Variants in MYPN observed in about 807,000 individuals in gnomAD.
MYPN encodes the protein myopalladin.
MYPN carries 63 observed loss-of-function variants against 129.4 expected under a neutral mutation model. That is an observed-to-expected ratio of 0.49 (90% CI 0.40 to 0.60). The LOEUF is 0.60. Among genes scored for constraint, MYPN ranks in the 20% least tolerant of loss-of-function variants. The pLI is 0.00. For synonymous variants in MYPN, 629 were observed against 600.9 expected, an observed-to-expected ratio of 1.05 and a Z score of -0.68; for missense variants, 1,596 against 1,635.4, an observed-to-expected ratio of 0.98 and a Z score of 0.42.
rs150794655 is a variant in MYPN at position 68,111,280 on chromosome 10, A to G, written c.-2+1557A>G. On this transcript the variant is annotated intron_variant, in intron 1 of 19. Transcript: ENST00000358913. ...TAATGAACTAATGTTGGTATGTGAA[A>G]AAGTGAGAGTTCAATTTTTCAACAG... Among the ~76,000 whole-genome samples, 99 of 152,338 alleles carry G rather than the reference A, an allele frequency of 6.5e-4. No individual in the cohort carries two copies. The East Asian group carries it at 0.014, about 22-fold the overall frequency.
intron 18 of MYPN, among the ~76,000 whole-genome samples, 189 bp downstream of exon 18, chr10:68,202,183 A>G (rs1219528297): frequency 6.6e-6 from 1 of 152,248 alleles, no homozygotes. Flanking sequence ...CTGTAATCCC[A>G]GCACTTTGGG....
chr10:68,109,684 G>C lies in MYPN; in HGVS notation c.-41G>C. On this transcript the variant is annotated 5_prime_UTR_variant, in exon 1 of 20. Coordinates refer to ENST00000358913, the MANE Select transcript of MYPN (RefSeq NM_032578.4). ...TAATTATCATTGCAGTGGAGTGCCT[G>C]GATTGGACATCCTCATCTGGGTCAA... 1.5e-5 allele frequency: 7 copies of C among 453,954 alleles called. No homozygotes were observed. Among genetic ancestry groups the C allele is most frequent in the South Asian group, 1.1e-4 (7 of 64,458 alleles). 28.1% of individuals were successfully genotyped at this position (453,954 alleles called of 1,614,324 possible). A position where few individuals can be genotyped will look rare whatever the true frequency, so the allele number is the denominator to read the frequency against.
At position 68,188,895 on chromosome 10, in the gene MYPN, A is replaced by T; in HGVS notation, c.2704-10A>T. On this transcript the variant is annotated splice_polypyrimidine_tract_variant and intron_variant, in intron 12 of 19. Coordinates refer to ENST00000358913, the MANE Select transcript of MYPN (RefSeq NM_032578.4). Reference sequence around the variant, plus strand: ...ATATGGAAATTGAAACACGTTTGTCATTTTGACAGGAGTACAAAATTTCAA... The same window carrying T: ...ATATGGAAATTGAAACACGTTTGTCTTTTTGACAGGAGTACAAAATTTCAA... 6.2e-7 allele frequency: 1 copy of T among 1,612,366 alleles called. No individual in the cohort carries two copies. The highest frequency in any genetic ancestry group is 1.3e-5 in the African/African-American group (1 of 75,028).
chr10:68,137,179 T>C (rs1319409298), intron 2 of MYPN, among the ~76,000 whole-genome samples: 1 of 152,222 alleles, frequency 6.6e-6, no homozygotes, highest in Admixed American at 6.5e-5. Flanking sequence ...AACCATTTAG[T>C]GAGAAGAGTA....
In MYPN at chr10:68,151,398, G is replaced by A. The variant is rs140678273; in HGVS notation, c.1317+1287G>A. On this transcript the variant is annotated intron_variant, in intron 6 of 19. Coordinates refer to ENST00000358913, the MANE Select transcript of MYPN (RefSeq NM_032578.4). ...CAAGTTCAGTTCATAACCTACATTT[G>A]AGATTTTAGCTTTACTATTTTCAAA... 3.5e-3 allele frequency among the ~76,000 whole-genome samples: 539 copies of A among 152,304 alleles called. 3 individuals carry two copies. Among genetic ancestry groups the A allele is most frequent in the Non-Finnish European group, 5.0e-3 (341 of 68,028 alleles).
chr10:68,148,278 T>A, intron 4 of MYPN, 75 bp from the exon 5 acceptor site: 1 of 1,173,672 alleles, frequency 8.5e-7, no homozygotes, highest in Non-Finnish European at 1.3e-6. Flanking sequence ...GTGATGCCAT[T>A]ACTAGTTTTC....
chr10:68,197,603 C>G, intron 16 of MYPN, 125 bp downstream of exon 16: 1 of 1,183,974 alleles, frequency 8.4e-7, no homozygotes, highest in Non-Finnish European at 1.2e-6. Flanking sequence ...GGAAGGGAGA[C>G]AGATCACTTT....
At chr10:68,118,076 G>A (rs1006266856) in intron 1 of MYPN, among the ~76,000 whole-genome samples, 4 of 151,958 alleles carry the variant, frequency 2.6e-5, no homozygotes, top group African/African-American at 7.2e-5. Context: ...ATACCTGAAA[G>A]TTTTGTTGTA....
At chr10:68,168,799 G>T (rs2043093231) in intron 10 of MYPN, among the ~76,000 whole-genome samples, 1 of 151,826 alleles carries the variant, frequency 6.6e-6, no homozygotes, top group African/African-American at 2.4e-5. Context: ...GAGTCGGGAT[G>T]AAAAGAAAAC....
At chr10:68,107,548 G>A (rs995889657), upstream of MYPN, among the ~76,000 whole-genome samples, 8 of 149,476 alleles carry the variant, frequency 5.4e-5, no homozygotes, top group South Asian at 2.1e-4. Flanking sequence ...ATGGGGTTTC[G>A]CTACGTTGCC....
At chr10:68,125,777 A>G (rs1052338228) in intron 2 of MYPN, among the ~76,000 whole-genome samples, 4 of 152,210 alleles carry the variant, frequency 2.6e-5, no homozygotes, top group African/African-American at 9.6e-5. Flanking sequence ...TTATTTACTC[A>G]TTCAACAAAT....
chr10:68,208,079 A>G (rs1296696467), intron 19 of MYPN, among the ~76,000 whole-genome samples: 1 of 152,208 alleles, frequency 6.6e-6, no homozygotes, highest in Non-Finnish European at 1.5e-5. Flanking sequence ...TTATTTATGT[A>G]TTTGTGTGCT....
intron 5 of MYPN, among the ~76,000 whole-genome samples, chr10:68,149,802 C>T (rs1421784812): frequency 6.6e-6 from 1 of 152,056 alleles, no homozygotes; most frequent in Non-Finnish European, 1.5e-5. Context: ...ATCCACAGAT[C>T]TACATGTGAA....
intron 8 of MYPN, among the ~76,000 whole-genome samples, chr10:68,163,175 G>A (rs888613839): frequency 1.3e-5 from 2 of 152,060 alleles, no homozygotes; most frequent in Non-Finnish European, 2.9e-5. Context: ...CATGTCTGTG[G>A]TCCCAGCTAC....
chr10:68,166,758 G>A lies in MYPN; in HGVS notation c.1973+92G>A, dbSNP rs186808270. 3.3e-6 allele frequency: 5 copies of A among 1,529,880 alleles called. No homozygotes were observed. In the African/African-American group the frequency reaches 6.9e-5, roughly 21 times the overall value. 94.8% of individuals were successfully genotyped at this position (1,529,880 alleles called of 1,614,324 possible). ...AAGTAATGGAACTCAGCTAGGCACA[G>A]TTGCTCACACCTGTAATCCGAGCAC... On this transcript the variant is annotated intron_variant, in intron 10 of 19. Coordinates refer to ENST00000358913, the MANE Select transcript of MYPN (RefSeq NM_032578.4).
At chr10:68,168,610 G>A (rs537901044) in intron 10 of MYPN, among the ~76,000 whole-genome samples, 3 of 152,192 alleles carry the variant, frequency 2.0e-5, no homozygotes, top group South Asian at 2.1e-4. Context: ...GACAAACATT[G>A]GTTTGGCCCA....
At position 68,122,113 on chromosome 10, in the gene MYPN, T is replaced by A. The variant is rs1213015103; in HGVS notation, c.675T>A (p.Asn225Lys). The change falls in exon 2 of 20, where the codon AAT becomes AAA. Residue 225 changes from asparagine to lysine, a missense_variant. Asn to Lys is a moderately conservative substitution (Grantham distance 94). Transcript: ENST00000358913. ...CGGATACCAGGGATAATGAAGTGAATCACGCCCTGGAACAGCAGGAAGCCA... is the reference window on the plus strand; with the variant it reads ...CGGATACCAGGGATAATGAAGTGAAACACGCCCTGGAACAGCAGGAAGCCA... The part of the protein sequence containing the change: ...IPADTRDNEV[N>K]HALEQQEAKR... The A allele has an allele frequency of 6.2e-7, 1 of 1,614,018 alleles. No individual in the cohort carries two copies. Among genetic ancestry groups the A allele is most frequent in the East Asian group, 2.2e-5 (1 of 44,892 alleles).
Position 68,175,353 on chromosome 10 carries a change from A to C in MYPN, c.2595A>C (p.Thr865=). 6.2e-7 allele frequency: 1 copy of C among 1,614,102 alleles called. No homozygotes were observed. Among genetic ancestry groups the C allele is most frequent in the South Asian group, 1.1e-5 (1 of 91,078 alleles). Residue 865 remains threonine (T), a synonymous_variant, in exon 12 of 20, where the codon ACA becomes ACC. Transcript: ENST00000358913. ...MPSQGLAKKN[T]KSPQPVNDDN... The stretch of plus-strand genomic sequence containing the variant: ...CCCAGGGATTAGCGAAGAAAAATAC[A>C]AAGTCTCCTCAACCAGTGAATGATG...
At chr10:68,183,592 G>C (rs999948360) in intron 12 of MYPN, among the ~76,000 whole-genome samples, 3 of 152,252 alleles carry the variant, frequency 2.0e-5, no homozygotes, top group Non-Finnish European at 4.4e-5. Context: ...GGCAATAGAA[G>C]CTGCAGAAAA....
Sources: allele counts gnomAD v4.1 joint callset (sites outside exome capture counted in the v4.1 genomes callset), GRCh38; gene constraint gnomAD v4.1.1; transcripts MANE v1.5; gene names NCBI Gene and HGNC (gene_info 2026-07-23, HGNC 2026-07-21).